The following STK40 variants were observed in gnomAD, a reference collection of about 807,000 sequenced individuals.
STK40 encodes the protein serine/threonine kinase 40.
STK40 carries 13 observed loss-of-function variants against 47.9 expected under a neutral mutation model. That is an observed-to-expected ratio of 0.27 (90% CI 0.18 to 0.43). STK40 has a LOEUF of 0.43. Among genes scored for constraint, STK40 ranks in the 20% least tolerant of loss-of-function variants. The probability of loss-of-function intolerance (pLI) is 1.00; values close to 1 mark genes in which losing one functional copy is unlikely to be tolerated. For synonymous variants in STK40, 225 were observed against 243.2 expected (o/e 0.93, Z 0.69); for missense variants, 460 against 595.1 (o/e 0.77, Z 2.36).
At chr1:36,351,487 G>C (rs1646752287) in intron 6 of STK40, among the ~76,000 whole-genome samples, 1 of 152,102 alleles carries the variant, frequency 6.6e-6, no homozygotes, top group South Asian at 2.1e-4. Flanking sequence ...ACGGAGCAGT[G>C]AGTCTCTCTG....
intron 1 of STK40, among the ~76,000 whole-genome samples, chr1:36,362,123 T>A (rs1293185593): frequency 1.3e-5 from 2 of 152,120 alleles, no homozygotes; most frequent in East Asian, 3.8e-4. Flanking sequence ...AATCCCGAGA[T>A]CCTCCTGCGT....
At chr1:36,367,608 G>T (rs1646913429) in intron 1 of STK40, among the ~76,000 whole-genome samples, 1 of 152,130 alleles carries the variant, frequency 6.6e-6, no homozygotes. Context: ...AAGCTGGCAG[G>T]GATAGCTCTA....
rs148621208 is a variant in STK40 at position 36,344,154 on chromosome 1, G to A, written c.850C>T (p.Arg284Cys). ...FYDSIPQELF[R>C]KIKAAEYTIP... The stretch of plus-strand genomic sequence containing the variant: ...GTATACTCGGCAGCCTTGATCTTGC[G>A]GAAGAGCTCCTGCGGGATGCTGTCG... The change falls in exon 8 of 11, where the codon CGC (arginine) becomes TGC (cysteine). Residue 284 changes from arginine to cysteine, a missense_variant. By Grantham distance (180) the Arg-to-Cys change is radical. This residue lies in a region of STK40 where 181 missense variants were observed against 218.9 expected (regional missense o/e 0.83). Transcript: ENST00000373132. 3.1e-6 allele frequency: 5 copies of A among 1,612,090 alleles called. No homozygotes were observed. Among genetic ancestry groups the A allele is most frequent in the Non-Finnish European group, 4.2e-6 (5 of 1,179,478 alleles).
intron 1 of STK40, among the ~76,000 whole-genome samples, chr1:36,380,825 G>A (rs946249261): frequency 3.9e-5 from 6 of 152,188 alleles, no homozygotes; most frequent in African/African-American, 1.2e-4. Flanking sequence ...GAAAGCAAAG[G>A]GAAGCCTGGC....
At chr1:36,368,013 G>C (rs1171247128) in intron 1 of STK40, 2 of 316,252 alleles carry the variant, frequency 6.3e-6, no homozygotes, top group African/African-American at 2.3e-5. Context: ...AGGATTGCGG[G>C]AGGAGAGCAG....
intron 1 of STK40, among the ~76,000 whole-genome samples, chr1:36,379,175 C>G (rs1328239913): frequency 6.6e-6 from 1 of 152,234 alleles, no homozygotes; most frequent in African/African-American, 2.4e-5. Context: ...TCTTCTATCT[C>G]TTTTGCCAAG....
At chr1:36,372,052 C>T (rs956270751) in intron 1 of STK40, among the ~76,000 whole-genome samples, 3 of 152,120 alleles carry the variant, frequency 2.0e-5, no homozygotes, top group African/African-American at 7.2e-5. Flanking sequence ...ACACAAGCAT[C>T]CTTCTTTGTT....
chr1:36,362,985 G>A (rs756023995), intron 1 of STK40, among the ~76,000 whole-genome samples: 3 of 152,134 alleles, frequency 2.0e-5, no homozygotes, highest in African/African-American at 4.8e-5. Context: ...GTGAAACCCC[G>A]TCTCTACTAA....
chr1:36,377,594 A>G (rs1324298688), intron 1 of STK40, among the ~76,000 whole-genome samples: 1 of 151,744 alleles, frequency 6.6e-6, no homozygotes, highest in East Asian at 1.9e-4. Context: ...GCCTCAGAGA[A>G]GGCAGACTTG....
chr1:36,383,157 T>A (rs1184273929), intron 1 of STK40, among the ~76,000 whole-genome samples: 1 of 152,180 alleles, frequency 6.6e-6, no homozygotes, highest in Non-Finnish European at 1.5e-5. Flanking sequence ...CATGTTAGAC[T>A]GGTCTTGAAC....
chr1:36,380,037 T>C (rs759616086), intron 1 of STK40, among the ~76,000 whole-genome samples: 2 of 152,186 alleles, frequency 1.3e-5, no homozygotes, highest in African/African-American at 2.4e-5. Flanking sequence ...TAGCCACAAA[T>C]GACCCAGACC....
Position 36,374,765 on chromosome 1 carries a change from T to C in STK40, c.-9+10958A>G, listed in dbSNP as rs1371316450. ...TGGCTCTTCAGGGTGCCTTCTGCCA[T>C]GCGCAGTGACGGCAGACTGAGTCAC... On this transcript the variant is annotated intron_variant, in intron 1 of 10. Transcript: ENST00000373132. Among the ~76,000 whole-genome samples the C allele has an allele frequency of 3.9e-5, 6 of 152,284 alleles. No individual in the cohort carries two copies. In the East Asian group the frequency reaches 7.7e-4, roughly 20 times the overall value.
chr1:36,381,464 T>C (rs1005781777), intron 1 of STK40, among the ~76,000 whole-genome samples: 8 of 152,092 alleles, frequency 5.3e-5, no homozygotes, highest in Admixed American at 5.2e-4. Flanking sequence ...GAAAACTCTA[T>C]TCATTCTTCA....
rs913965149 is a variant in STK40, at chr1:36,358,547, A to G, written c.199-165T>C. 5.3e-5 allele frequency among the ~76,000 whole-genome samples: 8 copies of G among 152,218 alleles called. 1 individual carries two copies. The highest frequency in any genetic ancestry group is 4.6e-4 in the Admixed American group (7 of 15,288). On this transcript the variant is annotated intron_variant, in intron 3 of 10. Coordinates refer to ENST00000373132, the MANE Select transcript of STK40 (RefSeq NM_001282547.2). ...GTTTTTCTTAATATGATGGTGATGT[A>G]ATTTATGCACAGACAAAACTCTTTA...
At chr1:36,344,364 T>G (rs1646681653) in intron 7 of STK40, 100 bp from the exon 8 acceptor site, 7 of 1,453,230 alleles carry the variant, frequency 4.8e-6, no homozygotes, top group Non-Finnish European at 6.4e-6. Flanking sequence ...CACCCTCACT[T>G]CCAGTCCCCC....
rs55738958 is a variant in STK40 at position 36,379,398 on chromosome 1, CTTTT to C, written c.-9+6321_-9+6324del. 3.6e-5 allele frequency among the ~76,000 whole-genome samples: 5 copies of C among 138,874 alleles called. No homozygotes were observed. The East Asian group carries it at 1.0e-3, about 29-fold the overall frequency. 91.1% of individuals were successfully genotyped at this position (138,874 alleles called of 152,430 possible). ...AATGAACACCGTTGGGTTGTAGCCT[CTTTT>C]TTTTTTTTTTTTGAAACGGAGTCTC... On this transcript the variant is annotated intron_variant, in intron 1 of 10. Transcript: ENST00000373132.
chr1:36,376,812 T>G (rs1433999238), intron 1 of STK40, among the ~76,000 whole-genome samples: 1 of 152,138 alleles, frequency 6.6e-6, no homozygotes, highest in Non-Finnish European at 1.5e-5. Context: ...ATTTTTTTTT[T>G]TTTTTTTGAG....
chr1:36,353,439 A>G (rs925338088), intron 6 of STK40, among the ~76,000 whole-genome samples: 4 of 152,168 alleles, frequency 2.6e-5, no homozygotes, highest in African/African-American at 9.6e-5. Flanking sequence ...AGGCGGGATG[A>G]CAACCTGAAA....
At chr1:36,357,372 C>T in intron 4 of STK40, among the ~76,000 whole-genome samples, 1 of 152,218 alleles carries the variant, frequency 6.6e-6, no homozygotes, top group East Asian at 1.9e-4. Context: ...CGGCTGAGGG[C>T]TCAGTGGATG....
Sources: allele counts gnomAD v4.1 joint callset (sites outside exome capture counted in the v4.1 genomes callset), GRCh38; gene constraint gnomAD v4.1.1; regional missense constraint gnomAD v4.1.1; transcripts MANE v1.5; gene names NCBI Gene and HGNC (gene_info 2026-07-23, HGNC 2026-07-21).